Variants in SH3RF3 observed in about 807,000 individuals in gnomAD.
The protein encoded by SH3RF3 is E3 ubiquitin-protein ligase SH3RF3.
A neutral mutation model predicts 66.3 loss-of-function variants in SH3RF3; 29 were observed. That is an observed-to-expected ratio of 0.44 (90% CI 0.33 to 0.60). SH3RF3 has a LOEUF of 0.60. SH3RF3 is among the 20% of genes least tolerant of loss of function. The pLI, the probability that SH3RF3 is intolerant of heterozygous loss-of-function variation, is 0.04. For synonymous variants in SH3RF3, 583 were observed against 532.0 expected (o/e 1.10, Z -1.32); for missense variants, 1,194 against 1,190.9 (o/e 1.00, Z -0.04).
At chr2:109,147,093 T>G (rs1272801509) in intron 1 of SH3RF3, among the ~76,000 whole-genome samples, 4 of 152,006 alleles carry the variant, frequency 2.6e-5, no homozygotes. Context: ...CTGTCTCGTT[T>G]TCCCCTCTTG....
chr2:109,158,449 CTGAGGGCAGGTTCAGT>C (rs879889255), intron 1 of SH3RF3, among the ~76,000 whole-genome samples: 9 of 152,298 alleles, frequency 5.9e-5, no homozygotes, highest in Non-Finnish European at 1.0e-4. Flanking sequence ...GCAGGTTCAG[CTGAGGGCAGGTTCAGT>C]CCCCCAAGGC....
At chr2:109,391,335 A>G (rs770866729) in intron 3 of SH3RF3, among the ~76,000 whole-genome samples, 13 of 152,218 alleles carry the variant, frequency 8.5e-5, no homozygotes, top group Non-Finnish European at 1.3e-4. Context: ...CAGGGCTAGA[A>G]TGCAAACACC....
rs1439387789 is a variant in SH3RF3, at chr2:109,185,443, G to C, written c.573+55330G>C. ...TACTTTAAATCCTTGATCCGAAGAG[G>C]CAAGTTAATTTAACAAAATAAACTC... On this transcript the variant is annotated intron_variant, in intron 1 of 9. Coordinates refer to ENST00000309415, the MANE Select transcript of SH3RF3 (RefSeq NM_001099289.3). Among the ~76,000 whole-genome samples, 3 of 152,210 alleles carry C rather than the reference G, an allele frequency of 2.0e-5. No homozygotes were observed. The East Asian group carries it at 5.8e-4, about 29-fold the overall frequency.
chr2:109,463,835 T>G (rs1355472030), intron 8 of SH3RF3, among the ~76,000 whole-genome samples: 2 of 152,192 alleles, frequency 1.3e-5, no homozygotes, highest in Non-Finnish European at 1.5e-5. Flanking sequence ...GGAGGCCCCT[T>G]TCTCCCTGTC....
chr2:109,181,812 A>G (rs1440293394), intron 1 of SH3RF3, among the ~76,000 whole-genome samples: 1 of 152,044 alleles, frequency 6.6e-6, no homozygotes, highest in Admixed American at 6.6e-5. Flanking sequence ...TCCATGCCAC[A>G]TTCTAAGACC....
chr2:109,205,108 G>T (rs1306303661), intron 1 of SH3RF3, among the ~76,000 whole-genome samples: 1 of 152,168 alleles, frequency 6.6e-6, no homozygotes, highest in African/African-American at 2.4e-5. Flanking sequence ...TTGGGAGGCC[G>T]AGGTAGGAGG....
chr2:109,403,817 G>A (rs1676378300), intron 4 of SH3RF3, among the ~76,000 whole-genome samples: 1 of 152,204 alleles, frequency 6.6e-6, no homozygotes, highest in African/African-American at 2.4e-5. Flanking sequence ...GCAACCTTGG[G>A]TAAGCTGCCT....
intron 5 of SH3RF3, among the ~76,000 whole-genome samples, chr2:109,427,797 G>A (rs1420659200): frequency 2.0e-5 from 3 of 152,218 alleles, no homozygotes; most frequent in Admixed American, 6.5e-5. Flanking sequence ...AGGGAGAACC[G>A]AGCAGTTTCT....
At chr2:109,405,760 C>A (rs528024220) in intron 4 of SH3RF3, among the ~76,000 whole-genome samples, 11 of 152,242 alleles carry the variant, frequency 7.2e-5, no homozygotes, top group African/African-American at 2.7e-4. Flanking sequence ...TACAGGACTT[C>A]CAGTGTGCCC....
At chr2:109,352,781 C>A (rs760025910) in intron 2 of SH3RF3, among the ~76,000 whole-genome samples, 1 of 152,224 alleles carries the variant, frequency 6.6e-6, no homozygotes, top group Non-Finnish European at 1.5e-5. Context: ...AGGCTCAACT[C>A]GCAGGGCACG....
At chr2:109,257,278 G>A (rs1267509110) in intron 1 of SH3RF3, among the ~76,000 whole-genome samples, 2 of 152,052 alleles carry the variant, frequency 1.3e-5, no homozygotes, top group Admixed American at 1.3e-4. Flanking sequence ...TACAAAGTCA[G>A]CTGTTTCTGC....
intron 5 of SH3RF3, among the ~76,000 whole-genome samples, chr2:109,422,570 C>T (rs982632464): frequency 1.3e-5 from 2 of 151,830 alleles, no homozygotes; most frequent in Admixed American, 6.6e-5. Context: ...TCTGCAGAGA[C>T]GTCTCTCATT....
intron 1 of SH3RF3, among the ~76,000 whole-genome samples, chr2:109,335,682 G>T (rs1444381235): frequency 6.6e-6 from 1 of 152,066 alleles, no homozygotes; most frequent in Non-Finnish European, 1.5e-5. Context: ...ACTCCACCCG[G>T]GTGGGGACCT....
intron 1 of SH3RF3, among the ~76,000 whole-genome samples, chr2:109,227,675 T>G (rs1460272538): frequency 6.6e-6 from 1 of 152,244 alleles, no homozygotes; most frequent in African/African-American, 2.4e-5. Context: ...CCCCTGCTTC[T>G]GTGCTGTGCT....
intron 1 of SH3RF3, among the ~76,000 whole-genome samples, chr2:109,225,057 A>G (rs186629132): frequency 5.5e-4 from 84 of 152,202 alleles, no homozygotes; most frequent in African/African-American, 1.9e-3. Flanking sequence ...TAGCTTTTTG[A>G]CACCTGGCCT....
rs551406571 is a variant in SH3RF3 at position 109,423,349 on chromosome 2, G to A, written c.1403+3707G>A. Among the ~76,000 whole-genome samples the A allele has an allele frequency of 7.9e-5, 12 of 152,250 alleles. No homozygotes were observed. The South Asian group carries it at 1.9e-3, about 24-fold the overall frequency. On this transcript the variant is annotated intron_variant, in intron 5 of 9. Transcript: ENST00000309415. Reference sequence around the variant, plus strand: ...TCTCTGTCATGGCAGGGATGACCTCGCAGACCTTGCTGTGATCAGGAGTGA... The same window carrying A: ...TCTCTGTCATGGCAGGGATGACCTCACAGACCTTGCTGTGATCAGGAGTGA...
At chr2:109,160,171 A>T (rs1198924969) in intron 1 of SH3RF3, among the ~76,000 whole-genome samples, 1 of 152,126 alleles carries the variant, frequency 6.6e-6, no homozygotes, top group Non-Finnish European at 1.5e-5. Context: ...TGTCACCAGG[A>T]AGTCACTCTC....
intron 9 of SH3RF3, among the ~76,000 whole-genome samples, chr2:109,493,613 C>A (rs1171286408): frequency 1.5e-3 from 231 of 150,994 alleles, no homozygotes; most frequent in African/African-American, 4.8e-3. Context: ...ACACACACTG[C>A]AAACNCACAC....
chr2:109,472,350 G>A (rs1189295873), intron 8 of SH3RF3, among the ~76,000 whole-genome samples: 1 of 130,858 alleles, frequency 7.6e-6, no homozygotes, highest in Non-Finnish European at 1.7e-5. Context: ...GTGGTCTCGG[G>A]CCGGTGTGCA....
Sources: gnomAD v4.1 joint callset for allele counts (sites outside exome capture counted in the v4.1 genomes callset) on GRCh38, gnomAD v4.1.1 for gene constraint, MANE v1.5 for transcripts, NCBI Gene and HGNC (gene_info 2026-07-23, HGNC 2026-07-21) for gene names.